The following BTBD9 variants were observed in gnomAD, a reference collection of about 807,000 sequenced individuals.
BTBD9 encodes BTB/POZ domain-containing protein 9.
A neutral mutation model predicts 64.3 loss-of-function variants in BTBD9; 49 were observed. That is an observed-to-expected ratio of 0.76 (90% CI 0.61 to 0.97). The LOEUF is 0.97. Among genes scored for constraint, BTBD9 ranks in the 50% least tolerant of loss-of-function variants. The pLI is 0.00. For synonymous variants in BTBD9, 260 were observed against 274.7 expected (o/e 0.95, Z 0.53); for missense variants, 598 against 762.1 (o/e 0.78, Z 2.53).
chr6:38,376,135 T>C (rs1582322071), intron 6 of BTBD9, among the ~76,000 whole-genome samples: 1 of 152,116 alleles, frequency 6.6e-6, no homozygotes, highest in South Asian at 2.1e-4. Flanking sequence ...AAATTGCCCA[T>C]GTGGCATTTT....
intron 9 of BTBD9, among the ~76,000 whole-genome samples, chr6:38,214,368 G>T (rs377650560): frequency 6.6e-6 from 1 of 152,248 alleles, no homozygotes; most frequent in South Asian, 2.1e-4. Flanking sequence ...GACCTAGCCC[G>T]CTGGCTCCCT....
intron 6 of BTBD9, among the ~76,000 whole-genome samples, chr6:38,488,587 C>T (rs905583352): frequency 6.6e-6 from 1 of 152,162 alleles, no homozygotes; most frequent in African/African-American, 2.4e-5. Context: ...AGGCCTTTAC[C>T]TTATTACAGA....
intron 6 of BTBD9, among the ~76,000 whole-genome samples, chr6:38,565,761 A>T (rs372203429): frequency 5.3e-5 from 8 of 152,226 alleles, no homozygotes; most frequent in Non-Finnish European, 1.0e-4. Context: ...AATGTTTCAC[A>T]CTTTGAGATG....
At chr6:38,310,367 A>T (rs1163980066) in intron 7 of BTBD9, among the ~76,000 whole-genome samples, 3 of 152,052 alleles carry the variant, frequency 2.0e-5, no homozygotes, top group Non-Finnish European at 4.4e-5. Context: ...AAGGCAGCCA[A>T]AGTCTTCCAA....
intron 6 of BTBD9, among the ~76,000 whole-genome samples, chr6:38,378,800 G>C (rs1266352480): frequency 6.6e-6 from 1 of 150,764 alleles, no homozygotes; most frequent in African/African-American, 2.4e-5. Flanking sequence ...CTTGAACCCA[G>C]GAGGCGGAGG....
At chr6:38,408,599 T>C (rs1470761602) in intron 6 of BTBD9, among the ~76,000 whole-genome samples, 2 of 152,290 alleles carry the variant, frequency 1.3e-5, no homozygotes, top group East Asian at 3.9e-4. Context: ...GTCACTATAT[T>C]TGCATGTTGG....
intron 2 of BTBD9, chr6:38,595,933 G>T: frequency 3.0e-6 from 3 of 985,326 alleles, no homozygotes; most frequent in Non-Finnish European, 3.6e-6. Context: ...TATTTATTTG[G>T]ATTCTCAATG....
In BTBD9 at chr6:38,616,161, C is replaced by A. The variant is rs571051568; in HGVS notation, c.-27-18040G>T. On this transcript the variant is annotated intron_variant, in intron 1 of 10. Transcript: ENST00000481247. ...GGAACTGAAAGCTACCTCTAGCTAA[C>A]AGCCAGCAAGAAAAGGAGGATCTCA... Among the ~76,000 whole-genome samples the A allele has an allele frequency of 2.6e-5, 4 of 152,282 alleles. No homozygotes were observed. In the South Asian group the frequency reaches 8.3e-4, roughly 32 times the overall value.
intron 6 of BTBD9, among the ~76,000 whole-genome samples, chr6:38,555,264 C>T (rs1345961071): frequency 6.6e-6 from 1 of 152,162 alleles, no homozygotes; most frequent in Non-Finnish European, 1.5e-5. Flanking sequence ...TTTGTTGCTG[C>T]TGTTCGTTAC....
At chr6:38,313,131 C>T (rs1370624475) in intron 7 of BTBD9, among the ~76,000 whole-genome samples, 1 of 151,856 alleles carries the variant, frequency 6.6e-6, no homozygotes, top group Non-Finnish European at 1.5e-5. Flanking sequence ...TCTTTAATTC[C>T]TAAATATTTA....
At chr6:38,574,751 A>C (rs529307772) in intron 6 of BTBD9, among the ~76,000 whole-genome samples, 1 of 152,310 alleles carries the variant, frequency 6.6e-6, no homozygotes, top group East Asian at 1.9e-4. Flanking sequence ...ATCGTATTAC[A>C]ACACAAATAT....
intron 6 of BTBD9, among the ~76,000 whole-genome samples, chr6:38,503,640 C>G (rs895442432): frequency 3.2e-4 from 48 of 152,276 alleles, no homozygotes; most frequent in African/African-American, 1.1e-3. Flanking sequence ...TCCACCCACA[C>G]CAGTCACCAT....
At chr6:38,596,137 C>T in intron 2 of BTBD9, 1 of 822,090 alleles carries the variant, frequency 1.2e-6, no homozygotes, top group South Asian at 5.6e-5. Context: ...TTCCTTTGCA[C>T]ATGAATACAG....
Position 38,206,221 on chromosome 6 carries a change from AT to A in BTBD9, c.1563-13625del, listed in dbSNP as rs548444182. Among the ~76,000 whole-genome samples the A allele has an allele frequency of 2.8e-3, 410 of 146,294 alleles. 4 individuals are homozygous for A. The highest frequency in any genetic ancestry group is 8.3e-3 in the African/African-American group (332 of 40,148). On this transcript the variant is annotated intron_variant, in intron 9 of 10. Coordinates refer to ENST00000481247, the MANE Select transcript of BTBD9 (RefSeq NM_001099272.2). ...GGATAGGTATACAGAAAACTAAGCAATTTTTTTTTTTTGGAGATGGAGTCTT... is the reference window on the plus strand; with the variant it reads ...GGATAGGTATACAGAAAACTAAGCAATTTTTTTTTTTGGAGATGGAGTCTT...
chr6:38,339,309 T>C (rs1764015820), intron 7 of BTBD9, among the ~76,000 whole-genome samples: 1 of 152,080 alleles, frequency 6.6e-6, no homozygotes, highest in South Asian at 2.1e-4. Context: ...AAACAAATAA[T>C]ATCTTTCTCT....
intron 7 of BTBD9, among the ~76,000 whole-genome samples, chr6:38,322,538 T>C (rs964174704): frequency 6.6e-6 from 1 of 152,190 alleles, no homozygotes; most frequent in Non-Finnish European, 1.5e-5. Context: ...TCAATTATCT[T>C]GTTTATCAAA....
intron 6 of BTBD9, among the ~76,000 whole-genome samples, chr6:38,447,678 A>C (rs1299712811): frequency 6.6e-6 from 1 of 152,224 alleles, no homozygotes; most frequent in Non-Finnish European, 1.5e-5. Context: ...ATTACAAAGC[A>C]AGAAAAAATA....
chr6:38,180,601 A>C (rs1231722778), intron 10 of BTBD9, among the ~76,000 whole-genome samples: 4 of 152,070 alleles, frequency 2.6e-5, no homozygotes, highest in Non-Finnish European at 5.9e-5. Context: ...CTTTTCTCCA[A>C]ACTTTCCCAA....
chr6:38,480,178 C>T (rs561030841), intron 6 of BTBD9, among the ~76,000 whole-genome samples: 5 of 152,280 alleles, frequency 3.3e-5, no homozygotes, highest in Non-Finnish European at 4.4e-5. Flanking sequence ...ATAAACGTAG[C>T]TCTGAAACCC....
Sources: gnomAD v4.1 joint callset for allele counts (sites outside exome capture counted in the v4.1 genomes callset) on GRCh38, gnomAD v4.1.1 for gene constraint, MANE v1.5 for transcripts, NCBI Gene and HGNC (gene_info 2026-07-23, HGNC 2026-07-21) for gene names.